DDR2: variants seen among roughly 807,000 people sequenced by gnomAD.
DDR2 encodes the protein discoidin domain receptor tyrosine kinase 2, also known as discoidin domain-containing receptor 2.
A neutral mutation model predicts 94.9 loss-of-function variants in DDR2; 27 were observed. The observed-to-expected ratio is 0.28, with a 90% CI of 0.21 to 0.39. The LOEUF is 0.39. DDR2 is among the 10% of genes least tolerant of loss of function. The pLI is 1.00. For synonymous variants in DDR2, 382 were observed against 377.2 expected, an observed-to-expected ratio of 1.01 and a Z score of -0.15; for missense variants, 783 against 1,076.0, an observed-to-expected ratio of 0.73 and a Z score of 3.81.
chr1:162,767,953 T>A (rs983397694), intron 11 of DDR2, among the ~76,000 whole-genome samples: 5 of 152,182 alleles, frequency 3.3e-5, no homozygotes, highest in Non-Finnish European at 5.9e-5. Flanking sequence ...ACTCTGTCTA[T>A]GCCAAATGAT....
At chr1:162,745,132 GTCT>G (rs1662788835) in intron 3 of DDR2, among the ~76,000 whole-genome samples, 1 of 152,188 alleles carries the variant, frequency 6.6e-6, no homozygotes, top group African/African-American at 2.4e-5. Flanking sequence ...CCATTTGTAT[GTCT>G]TCTTTGAAGA....
At chr1:162,689,297 A>C (rs1483744012) in intron 2 of DDR2, among the ~76,000 whole-genome samples, 1 of 152,232 alleles carries the variant, frequency 6.6e-6, no homozygotes. Context: ...AGTGCCAGGT[A>C]CTGGCTAGTC....
At chr1:162,638,747 A>G (rs1656966488) in intron 1 of DDR2, among the ~76,000 whole-genome samples, 1 of 152,202 alleles carries the variant, frequency 6.6e-6, no homozygotes, top group Non-Finnish European at 1.5e-5. Flanking sequence ...ATTGACCTCA[A>G]TAAGAGAGTA....
At chr1:162,731,816 G>A (rs536388613) in intron 3 of DDR2, among the ~76,000 whole-genome samples, 2 of 152,206 alleles carry the variant, frequency 1.3e-5, no homozygotes, top group South Asian at 2.1e-4. Flanking sequence ...GTTCATAGAG[G>A]TTTGGTAACT....
In DDR2 at chr1:162,759,781, T is replaced by C. The variant is rs774237838; in HGVS notation, c.672-15T>C. 1 of 1,613,592 alleles carries C rather than the reference T, an allele frequency of 6.2e-7. No homozygotes were observed. The highest frequency in any genetic ancestry group is 1.1e-5 in the South Asian group (1 of 91,050). ...TTTCTCTCTCCTTTTCCTCCTCTTC[T>C]CCTGGCCTGAGCAGCATGACAGAAG... On this transcript the variant is annotated splice_polypyrimidine_tract_variant and intron_variant, in intron 7 of 17. Coordinates refer to ENST00000367921, the MANE Select transcript of DDR2 (RefSeq NM_006182.4).
At chr1:162,639,896 A>C (rs1180531912) in intron 1 of DDR2, among the ~76,000 whole-genome samples, 1 of 152,148 alleles carries the variant, frequency 6.6e-6, no homozygotes, top group Non-Finnish European at 1.5e-5. Context: ...GGGAGGGATA[A>C]ATTGAACACA....
In DDR2 at chr1:162,787,228, T is replaced by C. The variant is rs1648185512; in HGVS notation, c.*6982T>C. 1 of 152,130 alleles carries C rather than the reference T, an allele frequency of 6.6e-6. No homozygotes were observed. The highest frequency in any genetic ancestry group is 2.1e-4 in the South Asian group (1 of 4,826). 9.4% of individuals were successfully genotyped at this position (152,130 alleles called of 1,614,324 possible). A position where few individuals can be genotyped will look rare whatever the true frequency, so the allele number is the denominator to read the frequency against. ...ATCATTGTGTACCCTATTGTTCTTCTGATTTCCAGGAGAACAGAATGAGCC... is the reference window on the plus strand; with the variant it reads ...ATCATTGTGTACCCTATTGTTCTTCCGATTTCCAGGAGAACAGAATGAGCC... On this transcript the variant is annotated 3_prime_UTR_variant, in exon 18 of 18. Transcript: ENST00000367921.
chr1:162,778,816 G>T (rs950662490), intron 17 of DDR2, 87 bp downstream of exon 17: 5 of 1,547,596 alleles, frequency 3.2e-6, no homozygotes, highest in East Asian at 4.5e-5. Flanking sequence ...GGAGTGGGCC[G>T]AGATGGAAGA....
At chr1:162,710,734 C>T (rs1004340831) in intron 2 of DDR2, among the ~76,000 whole-genome samples, 2 of 149,378 alleles carry the variant, frequency 1.3e-5, no homozygotes, top group African/African-American at 5.0e-5. Context: ...ATCTTCAACA[C>T]ACACAAATGC....
At chr1:162,673,864 G>GA (rs747685727) in intron 2 of DDR2, among the ~76,000 whole-genome samples, 1 of 151,856 alleles carries the variant, frequency 6.6e-6, no homozygotes, top group Non-Finnish European at 1.5e-5. Context: ...CAAATCCAAG[G>GA]AAAAAAAGGC....
chr1:162,735,786 G>A (rs1409100269), intron 3 of DDR2, among the ~76,000 whole-genome samples: 1 of 152,206 alleles, frequency 6.6e-6, no homozygotes, highest in Non-Finnish European at 1.5e-5. Context: ...TGTCATAAAA[G>A]CAGCTGCAGC....
intron 2 of DDR2, among the ~76,000 whole-genome samples, chr1:162,701,810 G>T (rs1472776074): frequency 6.6e-6 from 1 of 152,152 alleles, no homozygotes; most frequent in Non-Finnish European, 1.5e-5. Context: ...AACTTCCTTA[G>T]TCATGACTGG....
intron 2 of DDR2, among the ~76,000 whole-genome samples, chr1:162,665,104 T>TA (rs1347971014): frequency 6.6e-6 from 1 of 152,222 alleles, no homozygotes; most frequent in Non-Finnish European, 1.5e-5. Context: ...CCTACGTATA[T>TA]TTTCTACACA....
In DDR2 at chr1:162,780,545, TA is replaced by T; in HGVS notation, c.*301del. The T allele has an allele frequency of 2.8e-6, 1 of 354,708 alleles. No individual in the cohort carries two copies. The highest frequency in any genetic ancestry group is 5.2e-6 in the Non-Finnish European group (1 of 193,160). 22.0% of individuals were successfully genotyped at this position (354,708 alleles called of 1,614,324 possible). A position where few individuals can be genotyped will look rare whatever the true frequency, so the allele number is the denominator to read the frequency against. On this transcript the variant is annotated 3_prime_UTR_variant, in exon 18 of 18. Coordinates refer to ENST00000367921, the MANE Select transcript of DDR2 (RefSeq NM_006182.4). ...GATAACAAAGGCTAGAAAATTCAGA[TA>T]ATTTATAAAGGTTAACTATACTTGT...
intron 8 of DDR2, among the ~76,000 whole-genome samples, chr1:162,760,565 TATATGTATATACATATACAACTAG>T (rs1663677847): frequency 1.3e-5 from 2 of 148,944 alleles, no homozygotes; most frequent in Admixed American, 1.3e-4. Flanking sequence ...TACAACTAGA[TATATGTATATACATATACAACTAG>T]ATATATGTAT....
At chr1:162,644,703 T>C (rs183272162) in intron 1 of DDR2, among the ~76,000 whole-genome samples, 31 of 152,154 alleles carry the variant, frequency 2.0e-4, no homozygotes, top group African/African-American at 7.0e-4. Context: ...TTCAAGTGAT[T>C]CTCCTGCCTC....
At chr1:162,721,398 T>C (rs765476856) in intron 3 of DDR2, among the ~76,000 whole-genome samples, 15 of 152,234 alleles carry the variant, frequency 9.9e-5, no homozygotes, top group Non-Finnish European at 2.1e-4. Context: ...CAAAGACCTT[T>C]ATAGGAAAAC....
In DDR2 at chr1:162,786,148, A is replaced by T. The variant is rs1364016914; in HGVS notation, c.*5902A>T. On this transcript the variant is annotated 3_prime_UTR_variant, in exon 18 of 18. Transcript: ENST00000367921. Reference sequence around the variant, plus strand: ...CTTTCAGTGAAAAACTGTTTTCTTGAAAACAGGCTTGGACACAATTGAAAG... The same window carrying T: ...CTTTCAGTGAAAAACTGTTTTCTTGTAAACAGGCTTGGACACAATTGAAAG... The T allele has an allele frequency of 6.6e-6, 1 of 152,218 alleles. No individual in the cohort carries two copies. Among genetic ancestry groups the T allele is most frequent in the Non-Finnish European group, 1.5e-5 (1 of 68,030 alleles). 9.4% of individuals were successfully genotyped at this position (152,218 alleles called of 1,614,324 possible).
chr1:162,766,839 C>A (rs1041790229), intron 10 of DDR2, among the ~76,000 whole-genome samples: 5 of 152,042 alleles, frequency 3.3e-5, no homozygotes, highest in African/African-American at 7.2e-5. Flanking sequence ...CGAGACCAGA[C>A]TGGCCAACAT....
Sources: allele counts gnomAD v4.1 joint callset (sites outside exome capture counted in the v4.1 genomes callset), GRCh38; gene constraint gnomAD v4.1.1; transcripts MANE v1.5; gene names NCBI Gene and HGNC (gene_info 2026-07-23, HGNC 2026-07-21).